The following LARGE1 variants were observed in gnomAD, a reference collection of about 807,000 sequenced individuals.
The protein encoded by LARGE1 is LARGE xylosyl- and glucuronyltransferase 1.
A neutral mutation model predicts 87.6 loss-of-function variants in LARGE1; 43 were observed. The ratio of observed to expected loss-of-function variants is 0.49; its 90% CI spans 0.38 to 0.63. The LOEUF is 0.63. Ranked by LOEUF, LARGE1 falls within the 30% of genes least tolerant of loss-of-function variation. LARGE1 has a pLI of 0.00. For synonymous variants in LARGE1, 434 were observed against 394.6 expected (o/e 1.10, Z -1.18); for missense variants, 802 against 1,000.2 (o/e 0.80, Z 2.67).
chr22:33,135,174 T>A, the LARGE1 span, among the ~76,000 whole-genome samples: 1 of 152,218 alleles, frequency 6.6e-6, no homozygotes, highest in African/African-American at 2.4e-5. Flanking sequence ...CAGAAGTCAT[T>A]TCCTTTCCAG....
the LARGE1 span, among the ~76,000 whole-genome samples, chr22:33,127,631 G>T: frequency 7.9e-5 from 12 of 152,206 alleles, no homozygotes; most frequent in African/African-American, 2.9e-4. Context: ...CAAACTTAAA[G>T]TACAACATTC....
At chr22:33,359,560 CTTTTTTTTTT>C (rs539990533) in intron 9 of LARGE1, among the ~76,000 whole-genome samples, 3 of 119,234 alleles carry the variant, frequency 2.5e-5, no homozygotes, top group South Asian at 3.0e-4. Flanking sequence ...GCAGACTCAT[CTTTTTTTTTT>C]TTTTTTTTTT....
chr22:33,194,338 C>T (rs1446048617), intron 11 of LARGE1, among the ~76,000 whole-genome samples: 1 of 152,140 alleles, frequency 6.6e-6, no homozygotes, highest in East Asian at 1.9e-4. Context: ...AACATATAAA[C>T]TTACCTGAGA....
chr22:33,805,733 CAAAA>C (rs1240629572), intron 1 of LARGE1, among the ~76,000 whole-genome samples: 4 of 139,940 alleles, frequency 2.9e-5, no homozygotes, highest in East Asian at 2.1e-4. Context: ...GACTCTGTCT[CAAAA>C]AATAAATAAA....
intron 12 of LARGE1, among the ~76,000 whole-genome samples, chr22:33,287,234 G>C (rs893768768): frequency 1.3e-5 from 2 of 152,090 alleles, no homozygotes; most frequent in East Asian, 3.9e-4. Flanking sequence ...TAAGCTACCT[G>C]GTATTAGTTT....
At chr22:33,591,857 AAT>A (rs1491181538) in intron 5 of LARGE1, among the ~76,000 whole-genome samples, 1 of 147,486 alleles carries the variant, frequency 6.8e-6, no homozygotes, top group African/African-American at 2.5e-5. Flanking sequence ...AAAAAAAAAA[AAT>A]TTTTTTTTTT....
At chr22:33,460,190 G>A (rs2068316868) in intron 6 of LARGE1, among the ~76,000 whole-genome samples, 1 of 152,330 alleles carries the variant, frequency 6.6e-6, no homozygotes, top group East Asian at 1.9e-4. Flanking sequence ...CCTCGGTTGT[G>A]TCGGCCAAAT....
chr22:33,080,498 AT>A, the LARGE1 span, among the ~76,000 whole-genome samples: 1 of 152,190 alleles, frequency 6.6e-6, no homozygotes, highest in Non-Finnish European at 1.5e-5. Flanking sequence ...CAAATCTCAC[AT>A]TAGCTCTTAA....
intron 14 of LARGE1, among the ~76,000 whole-genome samples, chr22:33,276,489 A>C (rs1049099648): frequency 2.0e-5 from 3 of 152,238 alleles, no homozygotes; most frequent in Admixed American, 1.3e-4. Flanking sequence ...CTTTACAGAA[A>C]ATGTGTGCTG....
At chr22:33,845,385 C>T (rs543993582) in intron 1 of LARGE1, among the ~76,000 whole-genome samples, 138 of 152,168 alleles carry the variant, frequency 9.1e-4, no homozygotes, top group Admixed American at 2.9e-3. Flanking sequence ...CTCAGCTCAC[C>T]GCAACCTCTA....
At position 33,333,013 on chromosome 22, in the gene LARGE1, CTTT is replaced by C. The variant is rs113084979; in HGVS notation, c.1287+4630_1287+4632del. On this transcript the variant is annotated intron_variant, in intron 10 of 14. Coordinates refer to ENST00000397394, the MANE Select transcript of LARGE1 (RefSeq NM_133642.5). ...TTTTTGCCTGGGATGGGGCAATGTCCTTTTTTTTTTTTGGACGGAGTCTCACTC... is the reference window on the plus strand; with the variant it reads ...TTTTTGCCTGGGATGGGGCAATGTCCTTTTTTTTTGGACGGAGTCTCACTC... 2.1e-5 allele frequency among the ~76,000 whole-genome samples: 3 copies of C among 140,524 alleles called. No homozygotes were observed. The South Asian group carries it at 6.7e-4, about 31-fold the overall frequency. The allele number at this position is 140,524 out of a possible 152,430, so 92.2% of individuals were successfully genotyped here.
chr22:33,759,450 C>G (rs1213224006), intron 2 of LARGE1, among the ~76,000 whole-genome samples: 2 of 152,166 alleles, frequency 1.3e-5, no homozygotes, highest in East Asian at 3.9e-4. Context: ...ATCACTGAAG[C>G]TTATCTGCCT....
intron 2 of LARGE1, among the ~76,000 whole-genome samples, chr22:33,758,298 C>T (rs1008501): frequency 0.045 from 6,852 of 152,252 alleles, 205 homozygotes; most frequent in East Asian, 0.17. Context: ...CAGATTTGAA[C>T]GGGCACTGTC....
chr22:33,276,656 G>T (rs1929356474), intron 14 of LARGE1, among the ~76,000 whole-genome samples: 1 of 152,236 alleles, frequency 6.6e-6, no homozygotes, highest in African/African-American at 2.4e-5. Context: ...TAATCTTTTA[G>T]TAAAGGGTGG....
At chr22:33,878,162 G>C (rs1228634865) in intron 1 of LARGE1, among the ~76,000 whole-genome samples, 4 of 35,064 alleles carry the variant, frequency 1.1e-4, no homozygotes, top group Non-Finnish European at 2.7e-4. Context: ...TTTAGAGACA[G>C]AGCCTTGCTC....
intron 6 of LARGE1, among the ~76,000 whole-genome samples, chr22:33,516,508 T>C (rs908015127): frequency 6.6e-6 from 1 of 152,112 alleles, no homozygotes; most frequent in African/African-American, 2.4e-5. Flanking sequence ...TCACAAATTA[T>C]ACAGCTGGTC....
At chr22:33,396,766 T>A (rs561813158) in intron 7 of LARGE1, among the ~76,000 whole-genome samples, 1 of 152,160 alleles carries the variant, frequency 6.6e-6, no homozygotes, top group Admixed American at 6.5e-5. Context: ...GGATTTCATG[T>A]TGTGGGAAGT....
chr22:33,825,883 T>TGGGAAGGCGTTATAATGGAGG (rs2062767665), intron 1 of LARGE1, among the ~76,000 whole-genome samples: 2 of 151,824 alleles, frequency 1.3e-5, no homozygotes, highest in South Asian at 4.2e-4. Flanking sequence ...GGTGTGGATG[T>TGGGAAGGCGTTATAATGGAGG]GGGAAGGCGT....
intron 8 of LARGE1, among the ~76,000 whole-genome samples, 158 bp downstream of exon 8, chr22:33,384,034 T>C (rs562627375): frequency 1.4e-4 from 21 of 152,254 alleles, no homozygotes; most frequent in Non-Finnish European, 2.6e-4. Context: ...GGAGTTGAGC[T>C]GTTGTCTTAG....
Sources: gnomAD v4.1 joint callset for allele counts (sites outside exome capture counted in the v4.1 genomes callset) on GRCh38, gnomAD v4.1.1 for gene constraint, MANE v1.5 for transcripts, NCBI Gene and HGNC (gene_info 2026-07-23, HGNC 2026-07-21) for gene names.